MAST4: variants seen among roughly 807,000 people sequenced by gnomAD.
MAST4 encodes microtubule associated serine/threonine kinase family member 4.
A neutral mutation model predicts 162.7 loss-of-function variants in MAST4; 89 were observed. The observed-to-expected ratio is 0.55, with a 90% CI of 0.46 to 0.65. The LOEUF (loss-of-function observed/expected upper bound fraction) is 0.65, where lower values mean the gene tolerates loss of function less well. Ranked by LOEUF, MAST4 falls within the 30% of genes least tolerant of loss-of-function variation. MAST4 has a pLI of 0.00. For synonymous variants in MAST4, 1,479 were observed against 1,361.1 expected (o/e 1.09, Z -1.91); for missense variants, 3,153 against 3,374.0 (o/e 0.93, Z 1.62).
intron 4 of MAST4, among the ~76,000 whole-genome samples, chr5:67,012,916 A>G (rs2150358460): frequency 6.6e-6 from 1 of 152,144 alleles, no homozygotes; most frequent in East Asian, 1.9e-4. Context: ...TCATGGTTTT[A>G]TTTTAAAGAA....
chr5:67,135,305 C>A (rs143137720), intron 18 of MAST4, among the ~76,000 whole-genome samples: 35 of 152,246 alleles, frequency 2.3e-4, no homozygotes, highest in African/African-American at 8.4e-4. Flanking sequence ...CTGACCCTAA[C>A]TATTGTATGT....
chr5:66,740,986 T>C (rs1036464769), intron 1 of MAST4, among the ~76,000 whole-genome samples: 5 of 152,162 alleles, frequency 3.3e-5, no homozygotes, highest in Non-Finnish European at 7.3e-5. Flanking sequence ...CTGAAAACAC[T>C]TAAGATGGTG....
intron 1 of MAST4, among the ~76,000 whole-genome samples, chr5:66,598,678 T>C (rs900372267): frequency 3.3e-5 from 5 of 152,236 alleles, no homozygotes; most frequent in Non-Finnish European, 7.3e-5. Flanking sequence ...GGGTGTACCC[T>C]AACTTAATGA....
chr5:67,041,639 T>A (rs1756753990), intron 4 of MAST4, among the ~76,000 whole-genome samples: 1 of 152,240 alleles, frequency 6.6e-6, no homozygotes, highest in South Asian at 2.1e-4. Flanking sequence ...GATATTCTTT[T>A]GCTTTTTGTG....
chr5:66,935,587 T>C (rs746911588), intron 4 of MAST4, among the ~76,000 whole-genome samples: 23 of 152,162 alleles, frequency 1.5e-4, no homozygotes, highest in South Asian at 2.1e-4. Flanking sequence ...CCAAAGCACT[T>C]GTAGCTGCAT....
chr5:66,948,611 G>A (rs906451705), intron 4 of MAST4, among the ~76,000 whole-genome samples: 15 of 152,048 alleles, frequency 9.9e-5, no homozygotes, highest in African/African-American at 3.6e-4. Flanking sequence ...AAGCCATGTC[G>A]CTGGGCTTTA....
intron 4 of MAST4, among the ~76,000 whole-genome samples, chr5:67,028,341 A>T (rs1754925451): frequency 6.6e-6 from 1 of 152,192 alleles, no homozygotes; most frequent in East Asian, 1.9e-4. Flanking sequence ...TAGAGTGGCA[A>T]ACAGGAAATG....
At chr5:66,834,410 T>G (rs535870612) in intron 3 of MAST4, among the ~76,000 whole-genome samples, 2 of 152,228 alleles carry the variant, frequency 1.3e-5, no homozygotes, top group East Asian at 3.9e-4. Flanking sequence ...AACCTTATTT[T>G]CTGAACTCTT....
intron 2 of MAST4, among the ~76,000 whole-genome samples, chr5:66,764,226 A>G (rs949788659): frequency 2.0e-5 from 3 of 152,114 alleles, no homozygotes; most frequent in African/African-American, 7.2e-5. Flanking sequence ...TTGGGTCCAG[A>G]TTTGTTCTAT....
chr5:67,133,043 G>T (rs1769186986), intron 16 of MAST4, among the ~76,000 whole-genome samples: 1 of 152,016 alleles, frequency 6.6e-6, no homozygotes, highest in African/African-American at 2.4e-5. Flanking sequence ...TAGGTTTTGT[G>T]CTTAATGAGT....
At chr5:66,791,132 T>C (rs920706062) in intron 3 of MAST4, among the ~76,000 whole-genome samples, 1 of 152,240 alleles carries the variant, frequency 6.6e-6, no homozygotes, top group African/African-American at 2.4e-5. Flanking sequence ...CAGGCGATTC[T>C]CCTGCCTCAG....
chr5:66,683,541 G>A (rs961398918), intron 1 of MAST4, among the ~76,000 whole-genome samples: 1 of 152,146 alleles, frequency 6.6e-6, no homozygotes, highest in Non-Finnish European at 1.5e-5. Flanking sequence ...TAGGATCAAG[G>A]TTGATAGTTT....
At chr5:66,606,186 A>G (rs1270770650) in intron 1 of MAST4, among the ~76,000 whole-genome samples, 5 of 152,178 alleles carry the variant, frequency 3.3e-5, no homozygotes, top group African/African-American at 7.2e-5. Context: ...TAGCTAGAAG[A>G]TGGCAGAAAA....
At position 67,085,167 on chromosome 5, in the gene MAST4, A is replaced by G. The variant is rs1267382749; in HGVS notation, c.764-4995A>G. Among the ~76,000 whole-genome samples, 76 of 152,128 alleles carry G rather than the reference A, an allele frequency of 5.0e-4. 1 individual carries two copies. Among genetic ancestry groups the G allele is most frequent in the Admixed American group, 5.0e-3 (76 of 15,268 alleles). The stretch of plus-strand genomic sequence containing the variant: ...CTTCTCCATCTCAATTAATGCCACC[A>G]TATACCCATTTGCTTCTAAAATCTT... On this transcript the variant is annotated intron_variant, in intron 5 of 28. Coordinates refer to ENST00000403625, the MANE Select transcript of MAST4 (RefSeq NM_001164664.2).
At chr5:66,942,431 G>T (rs956056875) in intron 4 of MAST4, among the ~76,000 whole-genome samples, 3 of 152,136 alleles carry the variant, frequency 2.0e-5, no homozygotes, top group African/African-American at 7.2e-5. Flanking sequence ...GTTTCTTCAT[G>T]ACCACCTCCT....
At chr5:67,059,537 A>G (rs1759296244) in intron 5 of MAST4, among the ~76,000 whole-genome samples, 1 of 152,204 alleles carries the variant, frequency 6.6e-6, no homozygotes, top group South Asian at 2.1e-4. Flanking sequence ...ACTTAAGAGG[A>G]TGAGCCACAG....
chr5:66,687,582 G>GTA (rs564626016), intron 1 of MAST4, among the ~76,000 whole-genome samples: 3,715 of 148,044 alleles, frequency 0.025, 154 homozygotes, highest in African/African-American at 0.093. Context: ...ATGTATATGT[G>GTA]TATATATATA....
At chr5:66,963,943 C>T in intron 4 of MAST4, 1 of 719,330 alleles carries the variant, frequency 1.4e-6, no homozygotes. Context: ...TGATCACTTA[C>T]TCTATTTAGC....
rs1372190782 is a variant in MAST4 at position 67,081,092 on chromosome 5, TATATAATTGTATATATTATATA to T, written c.764-9069_764-9048del. ...ATATATAATTGTATATATTATATAA[TATATAATTGTATATATTATATA>T]TTTTTTTTTAACAGAGGTTTTAAAT... On this transcript the variant is annotated intron_variant, in intron 5 of 28. Transcript: ENST00000403625. Among the ~76,000 whole-genome samples, 19 of 138,990 alleles carry T rather than the reference TATATAATTGTATATATTATATA, an allele frequency of 1.4e-4. 1 individual carries two copies. Among genetic ancestry groups the T allele is most frequent in the African/African-American group, 4.9e-4 (18 of 36,836 alleles). 91.2% of individuals were successfully genotyped at this position (138,990 alleles called of 152,430 possible).
Sources: allele counts gnomAD v4.1 joint callset (sites outside exome capture counted in the v4.1 genomes callset), GRCh38; gene constraint gnomAD v4.1.1; transcripts MANE v1.5; gene names NCBI Gene and HGNC (gene_info 2026-07-23, HGNC 2026-07-21).